TNS3: variants seen among roughly 807,000 people sequenced by gnomAD.
The protein encoded by TNS3 is tensin 3, also known as tensin-3.
TNS3 carries 45 observed loss-of-function variants against 140.9 expected under a neutral mutation model. That is an observed-to-expected ratio of 0.32 (90% CI 0.25 to 0.41). The LOEUF (loss-of-function observed/expected upper bound fraction) is 0.41, where lower values mean the gene tolerates loss of function less well. Among genes scored for constraint, TNS3 ranks in the 10% least tolerant of loss-of-function variants. TNS3 has a pLI of 1.00. For synonymous variants in TNS3, 815 were observed against 788.4 expected (o/e 1.03, Z -0.56); for missense variants, 1,716 against 1,906.7 (o/e 0.90, Z 1.86).
chr7:47,419,243 G>A (rs1794245539), intron 10 of TNS3, among the ~76,000 whole-genome samples: 1 of 152,238 alleles, frequency 6.6e-6, no homozygotes, highest in African/African-American at 2.4e-5. Flanking sequence ...TGCCCACAGA[G>A]TTGGAGGCTC....
At position 47,403,956 on chromosome 7, in the gene TNS3, C is replaced by T. The variant is rs542762838; in HGVS notation, c.724-3042G>A. Among the ~76,000 whole-genome samples, 8 of 152,322 alleles carry T rather than the reference C, an allele frequency of 5.3e-5. No individual in the cohort carries two copies. The East Asian group carries it at 9.6e-4, about 18-fold the overall frequency. The stretch of plus-strand genomic sequence containing the variant: ...AGATATAATAGTAATGCAAACATTT[C>T]GTAAAGATTAGACTGATTCAAGTCT... On this transcript the variant is annotated intron_variant, in intron 13 of 30. Transcript: ENST00000311160.
At chr7:47,529,599 G>T (rs1799321502) in intron 1 of TNS3, among the ~76,000 whole-genome samples, 1 of 152,210 alleles carries the variant, frequency 6.6e-6, no homozygotes, top group Non-Finnish European at 1.5e-5. Context: ...TGGCTTTCCT[G>T]GTTCAAAGGT....
chr7:47,282,143 C>T lies in TNS3; in HGVS notation c.4097+1554G>A, dbSNP rs112080130. On this transcript the variant is annotated intron_variant, in intron 28 of 30. Transcript: ENST00000311160. ...GCAGCTGAGCCACACCCAACGGGAACCCTGAGTGAGCCATGTAGCCGAGCC... is the reference window on the plus strand; with the variant it reads ...GCAGCTGAGCCACACCCAACGGGAATCCTGAGTGAGCCATGTAGCCGAGCC... Among the ~76,000 whole-genome samples, 68 of 151,430 alleles carry T rather than the reference C, an allele frequency of 4.5e-4. 1 individual carries two copies. The highest frequency in any genetic ancestry group is 1.7e-3 in the African/African-American group (68 of 41,198).
rs1010641770 is a variant in TNS3, at chr7:47,391,918, C to T, written c.1024+4882G>A. On this transcript the variant is annotated intron_variant, in intron 16 of 30. Coordinates refer to ENST00000311160, the MANE Select transcript of TNS3 (RefSeq NM_022748.12). ...TCAAGGGTATGAGCCCTGTCCCGCA[C>T]GGTCTCGAGCACAAGACACACTCTG... 3.3e-5 allele frequency among the ~76,000 whole-genome samples: 5 copies of T among 152,276 alleles called. 1 individual carries two copies. The highest frequency in any genetic ancestry group is 6.8e-3 in the Middle Eastern group (2 of 294).
Position 47,415,083 on chromosome 7 carries a change from G to C in TNS3, c.586+11C>G. The C allele has an allele frequency of 6.2e-7, 1 of 1,602,874 alleles. No homozygotes were observed. The highest frequency in any genetic ancestry group is 8.5e-7 in the Non-Finnish European group (1 of 1,172,438). On this transcript the variant is annotated intron_variant, in intron 11 of 30. Coordinates refer to ENST00000311160, the MANE Select transcript of TNS3 (RefSeq NM_022748.12). The stretch of plus-strand genomic sequence containing the variant: ...GCCAATCGCAGGTGCCACGTCATAG[G>C]GGACACTCACCTCCACCTGTGTCGA...
intron 4 of TNS3, among the ~76,000 whole-genome samples, chr7:47,474,903 C>CAA (rs1036455140): frequency 7.0e-6 from 1 of 143,866 alleles, no homozygotes; most frequent in South Asian, 2.3e-4. Context: ...GCAACACACA[C>CAA]AAAAAAAAAC....
intron 4 of TNS3, among the ~76,000 whole-genome samples, chr7:47,466,288 G>T (rs554271552): frequency 6.6e-6 from 1 of 151,704 alleles, no homozygotes; most frequent in Non-Finnish European, 1.5e-5. Flanking sequence ...AAGTAGCTGG[G>T]ATTACAGACG....
At chr7:47,399,232 C>G (rs1793014559) in intron 15 of TNS3, among the ~76,000 whole-genome samples, 1 of 151,910 alleles carries the variant, frequency 6.6e-6, no homozygotes, top group South Asian at 2.1e-4. Flanking sequence ...AATCAATATA[C>G]TGAAAACAAC....
chr7:47,569,706 T>C (rs1342393193), intron 1 of TNS3, among the ~76,000 whole-genome samples: 1 of 151,016 alleles, frequency 6.6e-6, no homozygotes, highest in East Asian at 1.9e-4. Context: ...ATACAAAAAT[T>C]AGCTGGGCGT....
chr7:47,477,066 G>A (rs1421634435), intron 4 of TNS3, among the ~76,000 whole-genome samples: 1 of 152,146 alleles, frequency 6.6e-6, no homozygotes, highest in Non-Finnish European at 1.5e-5. Flanking sequence ...GAGCCACAAA[G>A]GCACCCTATG....
chr7:47,429,398 C>T (rs1375599992), intron 8 of TNS3, among the ~76,000 whole-genome samples: 1 of 151,796 alleles, frequency 6.6e-6, no homozygotes, highest in African/African-American at 2.4e-5. Context: ...CGGAGTCTCA[C>T]GCTCTGTCCC....
At chr7:47,535,943 G>A (rs1179945100) in intron 1 of TNS3, among the ~76,000 whole-genome samples, 1 of 152,236 alleles carries the variant, frequency 6.6e-6, no homozygotes, top group Non-Finnish European at 1.5e-5. Context: ...ATTTAGGTAG[G>A]CATTCAGGCA....
chr7:47,392,251 T>C (rs1246523622), intron 16 of TNS3, among the ~76,000 whole-genome samples: 1 of 152,218 alleles, frequency 6.6e-6, no homozygotes, highest in East Asian at 1.9e-4. Context: ...TGCTCCTCTC[T>C]GTGCTGAAGA....
chr7:47,370,612 C>T (rs988385311), intron 16 of TNS3, among the ~76,000 whole-genome samples: 1 of 152,248 alleles, frequency 6.6e-6, no homozygotes, highest in African/African-American at 2.4e-5. Flanking sequence ...ATTGCCGCGA[C>T]CACACATAGC....
intron 17 of TNS3, among the ~76,000 whole-genome samples, chr7:47,358,110 A>AG (rs1790101354): frequency 6.7e-6 from 1 of 150,054 alleles, no homozygotes; most frequent in African/African-American, 2.4e-5. Context: ...ACCCCCCATC[A>AG]CGTGACCTTA....
chr7:47,448,919 T>A (rs1413431686), intron 4 of TNS3, among the ~76,000 whole-genome samples: 1 of 152,178 alleles, frequency 6.6e-6, no homozygotes, highest in East Asian at 1.9e-4. Flanking sequence ...AGCTGCAGAA[T>A]CTTGGGCCAG....
intron 16 of TNS3, among the ~76,000 whole-genome samples, chr7:47,389,068 A>G (rs750344353): frequency 0.67 from 39,725 of 59,516 alleles, 15,339 homozygotes; most frequent in Non-Finnish European, 0.76. Flanking sequence ...AAGAAGAAGA[A>G]GAAGAAGAAG....
At chr7:47,461,303 T>G (rs1426083395) in intron 4 of TNS3, among the ~76,000 whole-genome samples, 3 of 152,178 alleles carry the variant, frequency 2.0e-5, no homozygotes, top group Non-Finnish European at 4.4e-5. Flanking sequence ...ATAAATGAGG[T>G]CACTCCAAAA....
At chr7:47,487,195 A>G (rs1797643569) in intron 3 of TNS3, among the ~76,000 whole-genome samples, 1 of 152,054 alleles carries the variant, frequency 6.6e-6, no homozygotes, top group Non-Finnish European at 1.5e-5. Flanking sequence ...GCTACTCAGG[A>G]GGCTGAGACA....
Sources: allele counts gnomAD v4.1 joint callset (sites outside exome capture counted in the v4.1 genomes callset), GRCh38; gene constraint gnomAD v4.1.1; transcripts MANE v1.5; gene names NCBI Gene and HGNC (gene_info 2026-07-23, HGNC 2026-07-21).